RPP30: variants seen among roughly 807,000 people sequenced by gnomAD.
RPP30 encodes the protein ribonuclease P/MRP subunit p30, also known as ribonuclease P protein subunit p30.
RPP30 carries 36 observed loss-of-function variants against 38.6 expected under a neutral mutation model. The ratio of observed to expected loss-of-function variants is 0.93; its 90% CI spans 0.71 to 1.23. The LOEUF (loss-of-function observed/expected upper bound fraction) is 1.23, where lower values mean the gene tolerates loss of function less well. Among genes scored for constraint, RPP30 ranks in the 50% most tolerant of loss-of-function variants. RPP30 has a pLI of 0.00. For missense variants in RPP30, 321 were observed against 321.7 expected (o/e 1.00, Z 0.02); for synonymous variants, 126 against 112.7 (o/e 1.12, Z -0.75).
At chr10:90,895,197 C>G (rs1046296243) in intron 7 of RPP30, 20 of 494,446 alleles carry the variant, frequency 4.0e-5, no homozygotes, top group Non-Finnish European at 6.0e-5. Context: ...GATATGTGAC[C>G]TTTTCATCTT....
In RPP30 at chr10:90,901,495, G is replaced by T; in HGVS notation, c.*816G>T. 1 of 984,862 alleles carries T rather than the reference G, an allele frequency of 1.0e-6. No individual in the cohort carries two copies. The highest frequency in any genetic ancestry group is 4.7e-5 in the South Asian group (1 of 21,270). The allele number at this position is 984,862 out of a possible 1,614,324, so 61.0% of individuals were successfully genotyped here. ...GGATACACATGTAAAATTACATCTG[G>T]TCTCTTCCTTCACTGCTTCATGCCT... On this transcript the variant is annotated 3_prime_UTR_variant, in exon 11 of 11. Coordinates refer to ENST00000371703, the MANE Select transcript of RPP30 (RefSeq NM_006413.5).
At chr10:90,883,041 T>A (rs1275214953) in intron 5 of RPP30, among the ~76,000 whole-genome samples, 1 of 152,174 alleles carries the variant, frequency 6.6e-6, no homozygotes, top group Non-Finnish European at 1.5e-5. Flanking sequence ...CCATTTTTGA[T>A]ACATTCTTTA....
intron 3 of RPP30, 121 bp from the exon 4 acceptor site, chr10:90,875,903 G>A: frequency 3.1e-6 from 2 of 649,192 alleles, no homozygotes. Context: ...CAAGGACTGG[G>A]TTTTATTGAT....
chr10:90,879,179 T>C, intron 5 of RPP30, 45 bp downstream of exon 5: 2 of 1,460,806 alleles, frequency 1.4e-6, no homozygotes, highest in South Asian at 2.4e-5. Flanking sequence ...ATATGTTATA[T>C]AAGAAGTCTG....
chr10:90,885,209 T>C (rs1846983867), intron 5 of RPP30, among the ~76,000 whole-genome samples: 1 of 152,184 alleles, frequency 6.6e-6, no homozygotes, highest in South Asian at 2.1e-4. Context: ...AAATTAAAAG[T>C]TGAGAAAATG....
chr10:90,874,060 G>C (rs572986728), intron 1 of RPP30, among the ~76,000 whole-genome samples: 5 of 152,142 alleles, frequency 3.3e-5, no homozygotes, highest in Non-Finnish European at 7.3e-5. Flanking sequence ...TCAAGTAATG[G>C]ATGCTCAGTA....
At chr10:90,888,436 T>C (rs10881845) in intron 6 of RPP30, among the ~76,000 whole-genome samples, 29,772 of 152,046 alleles carry the variant, frequency 0.2, 3,255 homozygotes, top group African/African-American at 0.3. Context: ...TAAACCAGAG[T>C]GTGAGCTCCT....
intron 6 of RPP30, 140 bp downstream of exon 6, chr10:90,886,041 G>A (rs965372726): frequency 2.5e-5 from 14 of 553,710 alleles, no homozygotes; most frequent in Admixed American, 1.2e-4. Flanking sequence ...GAGAATTTTC[G>A]TTTTGAAAGC....
chr10:90,873,954 T>A (rs1322815213), intron 1 of RPP30, among the ~76,000 whole-genome samples: 6 of 152,238 alleles, frequency 3.9e-5, no homozygotes, highest in Admixed American at 3.9e-4. Flanking sequence ...TTAATTGCCT[T>A]ATTTGCCTTC....
At chr10:90,899,312 G>T (rs1217599863) in intron 10 of RPP30, among the ~76,000 whole-genome samples, 4 of 152,206 alleles carry the variant, frequency 2.6e-5, no homozygotes, top group Admixed American at 2.0e-4. Context: ...AAATAAAAGT[G>T]TTTTAAAATA....
chr10:90,901,239 G>T lies in RPP30; in HGVS notation c.*560G>T. 1.1e-6 allele frequency: 1 copy of T among 896,844 alleles called. No homozygotes were observed. Among genetic ancestry groups the T allele is most frequent in the Non-Finnish European group, 1.3e-6 (1 of 752,722 alleles). 55.6% of individuals were successfully genotyped at this position (896,844 alleles called of 1,614,324 possible). A position where few individuals can be genotyped will look rare whatever the true frequency, so the allele number is the denominator to read the frequency against. ...TAGGATCAAGCCATCCTCCCGCTTT[G>T]GCCTCCTAAAGTGCTGGGATTACAT... On this transcript the variant is annotated 3_prime_UTR_variant, in exon 11 of 11. Transcript: ENST00000371703.
Position 90,894,785 on chromosome 10 carries a change from G to A in RPP30, c.443G>A (p.Arg148Gln), listed in dbSNP as rs772501376. ...KRPPINVAIDRGLAFELVYSP... is the reference protein window; with the variant it reads ...KRPPINVAIDQGLAFELVYSP... The stretch of plus-strand genomic sequence containing the variant: ...TTATTTCCTGTGAAGGCGATTGACC[G>A]AGGCCTGGCTTTTGAACTTGTCTAT... Residue 148 changes from arginine to glutamine, a missense_variant, in exon 7 of 11, where the codon CGA (arginine) becomes CAA (glutamine). Arg to Gln is a conservative substitution (Grantham distance 43). Coordinates refer to ENST00000371703, the MANE Select transcript of RPP30 (RefSeq NM_006413.5). 8.1e-6 allele frequency: 13 copies of A among 1,612,218 alleles called. No homozygotes were observed. The highest frequency in any genetic ancestry group is 2.2e-5 in the East Asian group (1 of 44,876).
At position 90,876,092 on chromosome 10, in the gene RPP30, T is replaced by A. The variant is rs767952806; in HGVS notation, c.264T>A (p.Asn88Lys). ...TIIVSDPSHC[N>K]VLRATSSRAR... The stretch of plus-strand genomic sequence containing the variant: ...TTGTCTCGGATCCATCTCACTGCAA[T>A]GTTTTGGTAAGTTAATTATTTTTCT... Residue 88 changes from asparagine (N) to lysine (K), a missense_variant, in exon 4 of 11, where the codon AAT (asparagine) becomes AAA (lysine). Asn to Lys is a moderately conservative substitution (Grantham distance 94). Transcript: ENST00000371703. The A allele has an allele frequency of 1.3e-6, 2 of 1,558,362 alleles. No homozygotes were observed. Among genetic ancestry groups the A allele is most frequent in the Non-Finnish European group, 1.8e-6 (2 of 1,129,992 alleles).
downstream of RPP30, chr10:90,902,464 T>C: frequency 1.1e-5 from 2 of 188,314 alleles, no homozygotes; most frequent in Non-Finnish European, 1.1e-5. Flanking sequence ...AAGCAGTCTG[T>C]CCGCCTCAGC....
At chr10:90,896,717 G>A (rs1241880751) in intron 10 of RPP30, among the ~76,000 whole-genome samples, 1 of 152,038 alleles carries the variant, frequency 6.6e-6, no homozygotes, top group Non-Finnish European at 1.5e-5. Flanking sequence ...TTTCCCTGTT[G>A]AAAATCTCTG....
chr10:90,882,941 C>T (rs1366484880), intron 5 of RPP30, among the ~76,000 whole-genome samples: 1 of 152,136 alleles, frequency 6.6e-6, no homozygotes, highest in Non-Finnish European at 1.5e-5. Context: ...GGTCTGGCTC[C>T]ACTGGCTTTA....
intron 6 of RPP30, among the ~76,000 whole-genome samples, chr10:90,893,811 CA>C (rs1424258848): frequency 6.6e-6 from 1 of 152,230 alleles, no homozygotes; most frequent in African/African-American, 2.4e-5. Context: ...TCATCTCCCC[CA>C]CTAAAATGTA....
chr10:90,907,016 G>A (rs578069609), downstream of RPP30, among the ~76,000 whole-genome samples: 3 of 152,154 alleles, frequency 2.0e-5, no homozygotes, highest in Non-Finnish European at 2.9e-5. Context: ...TAATTCTAAT[G>A]GGATTTATTC....
intron 5 of RPP30, 147 bp downstream of exon 5, chr10:90,879,281 G>T: frequency 3.4e-6 from 2 of 587,878 alleles, no homozygotes; most frequent in South Asian, 2.3e-5. Context: ...CCCCATAAGG[G>T]TATATATAAC....
Sources: gnomAD v4.1 joint callset for allele counts (sites outside exome capture counted in the v4.1 genomes callset) on GRCh38, gnomAD v4.1.1 for gene constraint, MANE v1.5 for transcripts, NCBI Gene and HGNC (gene_info 2026-07-23, HGNC 2026-07-21) for gene names.